Variants in PCDHGB4 observed in about 807,000 individuals in gnomAD.
PCDHGB4 encodes the protein protocadherin gamma subfamily B, 4, also known as protocadherin gamma-B4.
In PCDHGB4, 38 loss-of-function variants were observed where a neutral mutation model predicts 60.5. That is an observed-to-expected ratio of 0.63 (90% CI 0.48 to 0.82). The LOEUF is 0.82. Ranked by LOEUF, PCDHGB4 falls within the 40% of genes least tolerant of loss-of-function variation. The pLI, the probability that PCDHGB4 is intolerant of heterozygous loss-of-function variation, is 0.00. For synonymous variants in PCDHGB4, 456 were observed against 509.7 expected (o/e 0.89, Z 1.42); for missense variants, 1,109 against 1,209.6 (o/e 0.92, Z 1.23).
intron 1 of PCDHGB4, among the ~76,000 whole-genome samples, chr5:141,420,581 C>T (rs1024544346): frequency 2.6e-5 from 4 of 151,994 alleles, no homozygotes; most frequent in Admixed American, 6.5e-5. Flanking sequence ...TAATTGAAAC[C>T]CTGATGCTAC....
chr5:141,470,242 T>G (rs1301513342), intron 1 of PCDHGB4, among the ~76,000 whole-genome samples: 1 of 152,226 alleles, frequency 6.6e-6, no homozygotes, highest in African/African-American at 2.4e-5. Flanking sequence ...CCCTTGAATG[T>G]CCCACCTGTC....
intron 2 of PCDHGB4, among the ~76,000 whole-genome samples, chr5:141,496,347 T>C (rs1168306693): frequency 6.6e-6 from 1 of 152,198 alleles, no homozygotes; most frequent in Non-Finnish European, 1.5e-5. Context: ...TGGAGGAGTC[T>C]CAGAGCCCAG....
chr5:141,474,628 A>C (rs1169097645), intron 1 of PCDHGB4, among the ~76,000 whole-genome samples: 1 of 152,234 alleles, frequency 6.6e-6, no homozygotes, highest in Non-Finnish European at 1.5e-5. Flanking sequence ...TCTCTTCCGG[A>C]AATATCCTAT....
Position 141,491,712 on chromosome 5 carries a change from G to C in PCDHGB4, c.2398-3095G>C. 3.1e-6 allele frequency: 5 copies of C among 1,609,408 alleles called. No individual in the cohort carries two copies. Among genetic ancestry groups the C allele is most frequent in the Middle Eastern group, 1.7e-4 (1 of 6,024 alleles). ...GGGAGCGGAGCCAGGTGAGGGGCTCGGCGCCGCCCCGGGCGACCCCTGGGG... is the reference window on the plus strand; with the variant it reads ...GGGAGCGGAGCCAGGTGAGGGGCTCCGCGCCGCCCCGGGCGACCCCTGGGG... On this transcript the variant is annotated intron_variant, in intron 1 of 3. Transcript: ENST00000519479. The surrounding 1 kb of genome is among the most constrained non-coding windows in gnomAD (Gnocchi z 6.9).
At position 141,389,146 on chromosome 5, in the gene PCDHGB4, C is replaced by G. The variant is rs567517174; in HGVS notation, c.1262C>G (p.Thr421Arg). The change falls in exon 1 of 4, where the codon ACG becomes AGG. Residue 421 changes from threonine to arginine, a missense_variant. Around this residue, in one of 2 missense-constraint regions of PCDHGB4, gnomAD observed 1,068 missense variants for 1,089.9 expected, o/e 0.98. Coordinates refer to ENST00000519479, the MANE Select transcript of PCDHGB4 (RefSeq NM_003736.4). Reference sequence around the variant, plus strand: ...AATCCAGAGTACAATATAACCGTTACGGCAACAGATCGGGGCAAGCCTCCC... The same window carrying G: ...AATCCAGAGTACAATATAACCGTTAGGGCAACAGATCGGGGCAAGCCTCCC... ...EQNPEYNITV[T>R]ATDRGKPPLS... 1.2e-6 allele frequency: 2 copies of G among 1,613,996 alleles called. No individual in the cohort carries two copies. Among genetic ancestry groups the G allele is most frequent in the Non-Finnish European group, 1.7e-6 (2 of 1,179,868 alleles).
At chr5:141,403,081 T>C (rs772246285) in intron 1 of PCDHGB4, 1 of 1,614,048 alleles carries the variant, frequency 6.2e-7, no homozygotes, top group East Asian at 2.2e-5. Flanking sequence ...AAAAGGGCTA[T>C]ATTGTGGGCA....
At chr5:141,433,044 A>T in intron 1 of PCDHGB4, 2 of 1,613,972 alleles carry the variant, frequency 1.2e-6, no homozygotes, top group Non-Finnish European at 8.5e-7. Flanking sequence ...CTCACCACGG[A>T]CTCGCGGAAG....
chr5:141,487,533 T>C lies in PCDHGB4; in HGVS notation c.2398-7274T>C. On this transcript the variant is annotated intron_variant, in intron 1 of 3. Coordinates refer to ENST00000519479, the MANE Select transcript of PCDHGB4 (RefSeq NM_003736.4). This position sits in a 1 kb window ranked among gnomAD's most constrained non-coding sequence, Gnocchi z 5.0. The stretch of plus-strand genomic sequence containing the variant: ...CCCACTCGGAGTGATAGCTTCATGA[T>C]GGTGAAGTCACCCAGTGCACCTATG... 6.2e-7 allele frequency: 1 copy of C among 1,614,186 alleles called. No individual in the cohort carries two copies. Among genetic ancestry groups the C allele is most frequent in the South Asian group, 1.1e-5 (1 of 91,080 alleles).
At chr5:141,454,970 G>A (rs2098808431) in intron 1 of PCDHGB4, among the ~76,000 whole-genome samples, 2 of 151,444 alleles carry the variant, frequency 1.3e-5, no homozygotes, top group African/African-American at 4.9e-5. Context: ...ACCACGCCTG[G>A]CTAATTTTTT....
intron 1 of PCDHGB4, chr5:141,400,151 C>T: frequency 6.2e-7 from 1 of 1,614,086 alleles, no homozygotes; most frequent in Non-Finnish European, 8.5e-7. Context: ...ACTGACCGCC[C>T]TGTACCCTCT....
chr5:141,408,298 G>T (rs778209794), intron 1 of PCDHGB4: 1 of 1,613,704 alleles, frequency 6.2e-7, no homozygotes, highest in South Asian at 1.1e-5. Context: ...TGAGTGAGCC[G>T]ATCCGCTACT....
rs374663576 is a variant in PCDHGB4 at position 141,489,905 on chromosome 5, G to A, written c.2398-4902G>A. The A allele has an allele frequency of 2.8e-4, 459 of 1,614,108 alleles. No homozygotes were observed. Among genetic ancestry groups the A allele is most frequent in the Non-Finnish European group, 3.4e-4 (405 of 1,180,054 alleles). On this transcript the variant is annotated intron_variant, in intron 1 of 3. Coordinates refer to ENST00000519479, the MANE Select transcript of PCDHGB4 (RefSeq NM_003736.4). The surrounding 1 kb of genome is among the most constrained non-coding windows in gnomAD (Gnocchi z 4.5). ...GCTGTGGATGGGGGGACCCCAGCCC[G>A]CTCAGGGACCACCCTTATCTCTGTC...
intron 1 of PCDHGB4, chr5:141,395,561 T>C (rs1589266253): frequency 8.5e-6 from 2 of 235,114 alleles, no homozygotes; most frequent in East Asian, 1.7e-4. Context: ...TGTGTGTGTG[T>C]GTGTGTGTGT....
intron 1 of PCDHGB4, among the ~76,000 whole-genome samples, chr5:141,447,244 A>T (rs1475037979): frequency 6.6e-6 from 1 of 152,062 alleles, no homozygotes; most frequent in Non-Finnish European, 1.5e-5. Flanking sequence ...GGTTCAAGTG[A>T]TTCTTCTGTC....
Position 141,432,970 on chromosome 5 carries a change from G to C in PCDHGB4, c.2397+42689G>C, listed in dbSNP as rs371130763. On this transcript the variant is annotated intron_variant, in intron 1 of 3. Transcript: ENST00000519479. This position sits in a 1 kb window ranked among gnomAD's most constrained non-coding sequence, Gnocchi z 6.0. ...GAGGCGGCTTGACAGGAGCGCCGGC[G>C]TCGCACTTTGTGGGCGTGGACGGGG... is the stretch of plus-strand genomic sequence containing the variant. 25 of 1,614,114 alleles carry C rather than the reference G, an allele frequency of 1.5e-5. No individual in the cohort carries two copies. Among genetic ancestry groups the C allele is most frequent in the African/African-American group, 1.1e-4 (8 of 75,054 alleles).
At chr5:141,464,137 C>T (rs1015442185) in intron 1 of PCDHGB4, among the ~76,000 whole-genome samples, 9 of 151,928 alleles carry the variant, frequency 5.9e-5, no homozygotes, top group Non-Finnish European at 7.4e-5. Context: ...TGGTGGTGGG[C>T]GCCTGTAGTC....
At chr5:141,502,494 A>G (rs928571740) in intron 2 of PCDHGB4, among the ~76,000 whole-genome samples, 2 of 152,180 alleles carry the variant, frequency 1.3e-5, no homozygotes, top group South Asian at 2.1e-4. Context: ...GGACTCATCT[A>G]ACGTCGGCCT....
intron 1 of PCDHGB4, chr5:141,417,801 G>A (rs368563336): frequency 1.3e-6 from 2 of 1,490,494 alleles, no homozygotes; most frequent in South Asian, 1.4e-5. Context: ...CTTTTAGCGC[G>A]GTAGAGTGCA....
At chr5:141,393,512 G>A in intron 1 of PCDHGB4, 1 of 1,613,996 alleles carries the variant, frequency 6.2e-7, no homozygotes, top group Non-Finnish European at 8.5e-7. Flanking sequence ...TGACAGTGTT[G>A]GATACAAATG....
Sources: allele counts gnomAD v4.1 joint callset (sites outside exome capture counted in the v4.1 genomes callset), GRCh38; gene constraint gnomAD v4.1.1; regional missense constraint gnomAD v4.1.1; non-coding constraint Gnocchi (gnomAD v3.1); transcripts MANE v1.5; gene names NCBI Gene and HGNC (gene_info 2026-07-23, HGNC 2026-07-21).